Variants in GGA2 observed in about 807,000 individuals in gnomAD.
GGA2 encodes the protein golgi associated, gamma adaptin ear containing, ARF binding protein 2.
A neutral mutation model predicts 79.5 loss-of-function variants in GGA2; 48 were observed. That is an observed-to-expected ratio of 0.60 (90% CI 0.48 to 0.77). The LOEUF (loss-of-function observed/expected upper bound fraction) is 0.77, where lower values mean the gene tolerates loss of function less well. Ranked by LOEUF, GGA2 falls within the 30% of genes least tolerant of loss-of-function variation. The pLI is 0.00. For synonymous variants in GGA2, 317 were observed against 302.0 expected (o/e 1.05, Z -0.51); for missense variants, 770 against 774.0 (o/e 0.99, Z 0.06).
At chr16:23,494,460 CT>C in intron 2 of GGA2, 82 bp from the exon 3 acceptor site, 1 of 922,952 alleles carries the variant, frequency 1.1e-6, no homozygotes. Context: ...AGTAAAATCA[CT>C]TTTCTTCCAG....
Position 23,465,149 on chromosome 16 carries a change from C to T in GGA2, c.*2441G>A. 1 of 594,754 alleles carries T rather than the reference C, an allele frequency of 1.7e-6. No homozygotes were observed. Among genetic ancestry groups the T allele is most frequent in the East Asian group, 2.8e-5 (1 of 36,002 alleles). 36.8% of individuals were successfully genotyped at this position (594,754 alleles called of 1,614,324 possible). A position where few individuals can be genotyped will look rare whatever the true frequency, so the allele number is the denominator to read the frequency against. ...TGCCTGGCTCAGGGTAGCTGGTCAA[C>T]AACTAGCTTTTAAAAAAACAGAGAC... On this transcript the variant is annotated 3_prime_UTR_variant, in exon 17 of 17. Transcript: ENST00000309859.
intron 5 of GGA2, among the ~76,000 whole-genome samples, chr16:23,489,623 C>T (rs1231488968): frequency 6.6e-6 from 1 of 152,178 alleles, no homozygotes; most frequent in Non-Finnish European, 1.5e-5. Context: ...AAACAACCTC[C>T]AAGGATTGAC....
rs933144823 is a variant in GGA2 at position 23,465,738 on chromosome 16, C to G, written c.*1852G>C. The G allele has an allele frequency of 4.3e-6, 1 of 234,648 alleles. No homozygotes were observed. The highest frequency in any genetic ancestry group is 8.4e-6 in the Non-Finnish European group (1 of 119,024). 14.5% of individuals were successfully genotyped at this position (234,648 alleles called of 1,614,324 possible). A position where few individuals can be genotyped will look rare whatever the true frequency, so the allele number is the denominator to read the frequency against. On this transcript the variant is annotated 3_prime_UTR_variant, in exon 17 of 17. Coordinates refer to ENST00000309859, the MANE Select transcript of GGA2 (RefSeq NM_015044.4). ...GGCGGATCACCTGAGGTCAGGAGTT[C>G]GAGACCAGCCTGGCCAACATGGTGA... is the stretch of plus-strand genomic sequence containing the variant.
At chr16:23,511,117 T>C (rs1383083874), upstream of GGA2, among the ~76,000 whole-genome samples, 1 of 152,104 alleles carries the variant, frequency 6.6e-6, no homozygotes, top group African/African-American at 2.4e-5. Context: ...TCCTCTTACC[T>C]CGACTTCCCA....
intron 13 of GGA2, among the ~76,000 whole-genome samples, chr16:23,476,415 T>C (rs550050827): frequency 4.2e-4 from 64 of 152,260 alleles, no homozygotes; most frequent in Middle Eastern, 6.8e-3. Context: ...AAAATGTTGT[T>C]ACATTCACAC....
At chr16:23,476,096 C>CT (rs1475373857) in intron 13 of GGA2, among the ~76,000 whole-genome samples, 2 of 152,176 alleles carry the variant, frequency 1.3e-5, no homozygotes, top group African/African-American at 2.4e-5. Context: ...CACAAAGGGA[C>CT]TTGAGCCAGG....
intron 8 of GGA2, among the ~76,000 whole-genome samples, chr16:23,484,628 G>A (rs1462466463): frequency 6.6e-6 from 1 of 152,168 alleles, no homozygotes; most frequent in African/African-American, 2.4e-5. Flanking sequence ...AATGAGCATA[G>A]GAAATAAATA....
chr16:23,486,519 G>A (rs564944068), intron 7 of GGA2, among the ~76,000 whole-genome samples, 191 bp downstream of exon 7: 87 of 152,272 alleles, frequency 5.7e-4, no homozygotes, highest in Non-Finnish European at 9.6e-4. Flanking sequence ...GTACGGCAGC[G>A]GGATTTCTGG....
chr16:23,506,035 T>G (rs919455656), intron 1 of GGA2, among the ~76,000 whole-genome samples: 11 of 152,196 alleles, frequency 7.2e-5, no homozygotes, highest in African/African-American at 2.7e-4. Flanking sequence ...ACTACAAGCA[T>G]AGTAAGGCAC....
chr16:23,516,264 G>A (rs182447486), intron 2 of GGA2, among the ~76,000 whole-genome samples: 56 of 151,946 alleles, frequency 3.7e-4, no homozygotes, highest in African/African-American at 1.1e-3. Flanking sequence ...CTCTTGCCTC[G>A]GCTTCCCAAA....
Position 23,486,052 on chromosome 16 carries a change from C to T in GGA2, c.761G>A (p.Arg254Lys). Reference sequence around the variant, plus strand: ...CTGGTCGGGCGGGGCCTGCCCTGGCCTGCGGTACATGCTCAGCATCTCCTG... The same window carrying T: ...CTGGTCGGGCGGGGCCTGCCCTGGCTTGCGGTACATGCTCAGCATCTCCTG... ...VLQEMLSMYR[R>K]PGQAPPDQEA... Residue 254 changes from arginine to lysine, a missense_variant, in exon 8 of 17, where the codon AGG (arginine) becomes AAG (lysine). Physicochemically the swap from Arg to Lys is conservative, Grantham distance 26. Transcript: ENST00000309859. 1 of 1,614,206 alleles carries T rather than the reference C, an allele frequency of 6.2e-7. No individual in the cohort carries two copies. Among genetic ancestry groups the T allele is most frequent in the Non-Finnish European group, 8.5e-7 (1 of 1,180,018 alleles).
At chr16:23,495,659 C>T (rs1295898009) in intron 2 of GGA2, 35 bp downstream of exon 2, 4 of 1,241,820 alleles carry the variant, frequency 3.2e-6, no homozygotes, top group Non-Finnish European at 4.7e-6. Context: ...TGGGGTGCCC[C>T]CAGAGTCAAC....
intron 5 of GGA2, among the ~76,000 whole-genome samples, chr16:23,490,463 G>C (rs4332751): frequency 6.6e-6 from 1 of 152,124 alleles, no homozygotes; most frequent in African/African-American, 2.4e-5. Context: ...AGCCGGGAGC[G>C]GTGGCTCACG....
intron 2 of GGA2, among the ~76,000 whole-genome samples, chr16:23,515,573 C>CAA (rs57148954): frequency 0.031 from 3,470 of 110,502 alleles, 103 homozygotes; most frequent in African/African-American, 0.051. Flanking sequence ...CTCCAGCCTG[C>CAA]AAAAAAAAAA....
At position 23,480,658 on chromosome 16, in the gene GGA2, G is replaced by C; in HGVS notation, c.993C>G (p.Ile331Met). The C allele has an allele frequency of 6.2e-7, 1 of 1,612,196 alleles. No homozygotes were observed. Among genetic ancestry groups the C allele is most frequent in the Non-Finnish European group, 8.5e-7 (1 of 1,178,310 alleles). The change falls in exon 10 of 17, where the codon ATC becomes ATG. Residue 331 changes from isoleucine to methionine, a missense_variant. Coordinates refer to ENST00000309859, the MANE Select transcript of GGA2 (RefSeq NM_015044.4). ...GNRVTSSLGDIPVSRVFQNPA... is the reference protein window; with the variant it reads ...GNRVTSSLGDMPVSRVFQNPA... ...TTTCAAACATACCTCTGGAGACAGGGATGTCTCCCAATGAGCTGGTCACTC... is the reference window on the plus strand; with the variant it reads ...TTTCAAACATACCTCTGGAGACAGGCATGTCTCCCAATGAGCTGGTCACTC...
At chr16:23,482,368 A>C (rs902431494) in intron 9 of GGA2, among the ~76,000 whole-genome samples, 3 of 152,256 alleles carry the variant, frequency 2.0e-5, no homozygotes, top group African/African-American at 7.2e-5. Flanking sequence ...TAAAAAAATC[A>C]GCTATGAGCT....
At chr16:23,468,411 C>T (rs1334651288) in intron 16 of GGA2, among the ~76,000 whole-genome samples, 2 of 151,864 alleles carry the variant, frequency 1.3e-5, no homozygotes, top group African/African-American at 4.8e-5. Flanking sequence ...CGCTTGATCT[C>T]GTGATCCATC....
chr16:23,503,657 G>C (rs1964943408), intron 1 of GGA2, among the ~76,000 whole-genome samples: 1 of 152,174 alleles, frequency 6.6e-6, no homozygotes, highest in South Asian at 2.1e-4. Context: ...AACTTAAAAT[G>C]TTGTGTAAAA....
chr16:23,472,857 ACCCT>A (rs1964528382), intron 14 of GGA2, among the ~76,000 whole-genome samples: 1 of 151,840 alleles, frequency 6.6e-6, no homozygotes, highest in Non-Finnish European at 1.5e-5. Context: ...ACACGGTGAA[ACCCT>A]GTCTCTACTA....
Sources: allele counts gnomAD v4.1 joint callset (sites outside exome capture counted in the v4.1 genomes callset), GRCh38; gene constraint gnomAD v4.1.1; transcripts MANE v1.5; gene names NCBI Gene and HGNC (gene_info 2026-07-23, HGNC 2026-07-21).